The following CPEB2 variants were observed in gnomAD, a reference collection of about 807,000 sequenced individuals.
CPEB2 encodes the protein cytoplasmic polyadenylation element-binding protein 2.
A neutral mutation model predicts 93.6 loss-of-function variants in CPEB2; 56 were observed. The ratio of observed to expected loss-of-function variants is 0.60; its 90% CI spans 0.48 to 0.75. The LOEUF is 0.75. Among genes scored for constraint, CPEB2 ranks in the 30% least tolerant of loss-of-function variants. The pLI is 0.00. For synonymous variants in CPEB2, 764 were observed against 586.3 expected (o/e 1.30, Z -4.38); for missense variants, 1,579 against 1,395.1 (o/e 1.13, Z -2.10).
chr4:15,002,523 G>A lies in CPEB2; in HGVS notation c.-151G>A. 2 of 569,370 alleles carry A rather than the reference G, an allele frequency of 3.5e-6. No homozygotes were observed. The highest frequency in any genetic ancestry group is 2.8e-6 in the Non-Finnish European group (1 of 356,900). The allele number at this position is 569,370 out of a possible 1,614,324, so 35.3% of individuals were successfully genotyped here. ...GGCGATCGCCGCGAGGGGTGGTGGG[G>A]CCGAAGTCGGTGCCCCCTGGCTCAG... On this transcript the variant is annotated 5_prime_UTR_variant, in exon 1 of 12. Coordinates refer to ENST00000538197, the MANE Select transcript of CPEB2 (RefSeq NM_001177382.2).
chr4:15,037,931 T>TA (rs571086791), intron 5 of CPEB2, among the ~76,000 whole-genome samples: 12 of 152,358 alleles, frequency 7.9e-5, no homozygotes, highest in Admixed American at 2.0e-4. Context: ...GATTAAGAGT[T>TA]ATAATGGAAC....
Position 15,004,234 on chromosome 4 carries a change from C to T in CPEB2, c.1561C>T (p.Pro521Ser). ...CCCGCCGCCCGCGGCGCCGCAGCAG[C>T]CGCAGAGCCGGAGGTCGCCCGTCAG... is the stretch of plus-strand genomic sequence containing the variant. ...QPPPPAAPQQ[P>S]QSRRSPVSPQ... Residue 521 changes from proline (P) to serine (S), a missense_variant, in exon 1 of 12, where the codon CCG (proline) becomes TCG (serine). Physicochemically the swap from Pro to Ser is moderately conservative, Grantham distance 74. Coordinates refer to ENST00000538197, the MANE Select transcript of CPEB2 (RefSeq NM_001177382.2). 1 of 1,493,974 alleles carries T rather than the reference C, an allele frequency of 6.7e-7. No individual in the cohort carries two copies. The highest frequency in any genetic ancestry group is 8.9e-7 in the Non-Finnish European group (1 of 1,128,772). The allele number at this position is 1,493,974 out of a possible 1,614,324, so 92.5% of individuals were successfully genotyped here.
At chr4:15,059,646 AT>A (rs1261779928) in intron 10 of CPEB2, among the ~76,000 whole-genome samples, 3 of 130,052 alleles carry the variant, frequency 2.3e-5, no homozygotes, top group African/African-American at 8.6e-5. Context: ...CGATTCTGAT[AT>A]CTGAAAAAGA....
intron 4 of CPEB2, among the ~76,000 whole-genome samples, chr4:15,023,638 T>C (rs1473093070): frequency 6.6e-6 from 1 of 152,028 alleles, no homozygotes; most frequent in Non-Finnish European, 1.5e-5. Flanking sequence ...TTACATAATT[T>C]TGAAAGTCTA....
chr4:15,026,232 G>GT (rs146563561), intron 4 of CPEB2, among the ~76,000 whole-genome samples: 5,024 of 144,546 alleles, frequency 0.035, 150 homozygotes, highest in African/African-American at 0.081. Flanking sequence ...TTTTGTTTTT[G>GT]TTTTTGTTTT....
In CPEB2 at chr4:15,068,768, A is replaced by G. The variant is rs928460762; in HGVS notation, c.*2388A>G. 1.3e-5 allele frequency: 2 copies of G among 152,236 alleles called. No homozygotes were observed. Among genetic ancestry groups the G allele is most frequent in the Admixed American group, 1.3e-4 (2 of 15,214 alleles). The allele number at this position is 152,236 out of a possible 1,614,324, so 9.4% of individuals were successfully genotyped here. A position where few individuals can be genotyped will look rare whatever the true frequency, so the allele number is the denominator to read the frequency against. On this transcript the variant is annotated 3_prime_UTR_variant, in exon 12 of 12. Coordinates refer to ENST00000538197, the MANE Select transcript of CPEB2 (RefSeq NM_001177382.2). Reference sequence around the variant, plus strand: ...TCTTAAACAGAAATAAATATTTGGAATGAAGGGGAATGTACTAGAACACCC... The same window carrying G: ...TCTTAAACAGAAATAAATATTTGGAGTGAAGGGGAATGTACTAGAACACCC...
intron 1 of CPEB2, 44 bp downstream of exon 1, chr4:15,004,379 C>G (rs938344767): frequency 7.4e-7 from 1 of 1,360,284 alleles, no homozygotes; most frequent in African/African-American, 1.5e-5. Context: ...ACCGGGAGAC[C>G]ATGGGCGGGG....
rs555843511 is a variant in CPEB2 at position 15,069,177 on chromosome 4, T to G, written c.*2797T>G. On this transcript the variant is annotated 3_prime_UTR_variant, in exon 12 of 12. Coordinates refer to ENST00000538197, the MANE Select transcript of CPEB2 (RefSeq NM_001177382.2). ...TTTGTTAAGAAGGAAACATTTAGCATTTATATATTTGTGTATGGAAAACAC... is the reference window on the plus strand; with the variant it reads ...TTTGTTAAGAAGGAAACATTTAGCAGTTATATATTTGTGTATGGAAAACAC... 3 of 152,370 alleles carry G rather than the reference T, an allele frequency of 2.0e-5. No individual in the cohort carries two copies. Among genetic ancestry groups the G allele is most frequent in the African/African-American group, 7.2e-5 (3 of 41,526 alleles). The allele number at this position is 152,370 out of a possible 1,614,324, so 9.4% of individuals were successfully genotyped here.
intron 3 of CPEB2, among the ~76,000 whole-genome samples, chr4:15,011,863 T>A (rs1050678209): frequency 1.3e-5 from 2 of 152,164 alleles, no homozygotes; most frequent in Non-Finnish European, 2.9e-5. Flanking sequence ...TATCAATATA[T>A]CAACTCTCAA....
intron 4 of CPEB2, among the ~76,000 whole-genome samples, chr4:15,025,607 T>G (rs187547693): frequency 6.6e-6 from 1 of 151,914 alleles, no homozygotes; most frequent in East Asian, 2.0e-4. Context: ...CTTCTGCTTG[T>G]GAGCTGTAGG....
At chr4:15,006,252 A>C (rs1354420064) in intron 1 of CPEB2, among the ~76,000 whole-genome samples, 1 of 152,170 alleles carries the variant, frequency 6.6e-6, no homozygotes, top group Non-Finnish European at 1.5e-5. Context: ...GGTGCTGTAG[A>C]TCAGGAGTTT....
At chr4:15,035,593 A>G (rs897269789) in intron 5 of CPEB2, among the ~76,000 whole-genome samples, 1 of 152,212 alleles carries the variant, frequency 6.6e-6, no homozygotes, top group Non-Finnish European at 1.5e-5. Context: ...AAGAGAAAAC[A>G]TAACTGATAT....
chr4:15,019,204 C>A (rs901043494), intron 4 of CPEB2, among the ~76,000 whole-genome samples: 9 of 151,232 alleles, frequency 6.0e-5, no homozygotes, highest in Admixed American at 4.0e-4. Flanking sequence ...AGAAAAAAAT[C>A]GAGAAACTTT....
chr4:15,030,539 A>G (rs1725982512), intron 4 of CPEB2, among the ~76,000 whole-genome samples: 1 of 152,136 alleles, frequency 6.6e-6, no homozygotes, highest in Non-Finnish European at 1.5e-5. Flanking sequence ...AGTTCTTACT[A>G]TCAATTGGCA....
intron 8 of CPEB2, 31 bp from the exon 9 acceptor site, chr4:15,058,390 C>G (rs746161879): frequency 3.1e-6 from 4 of 1,287,460 alleles, no homozygotes; most frequent in South Asian, 2.4e-5. Flanking sequence ...CTTGGCTTGA[C>G]ATATTGCCTC....
intron 6 of CPEB2, among the ~76,000 whole-genome samples, chr4:15,048,679 C>A (rs969682238): frequency 1.3e-5 from 2 of 151,820 alleles, no homozygotes; most frequent in Middle Eastern, 3.4e-3. Context: ...GTCTTGTTTT[C>A]TAATATGCTT....
At chr4:15,030,495 G>A (rs1725975975) in intron 4 of CPEB2, among the ~76,000 whole-genome samples, 1 of 152,086 alleles carries the variant, frequency 6.6e-6, no homozygotes, top group South Asian at 2.1e-4. Flanking sequence ...ACATAGAAAA[G>A]CTCCTGGCTC....
At chr4:15,055,204 TG>T (rs369865230) in intron 8 of CPEB2, among the ~76,000 whole-genome samples, 55 of 152,238 alleles carry the variant, frequency 3.6e-4, no homozygotes, top group African/African-American at 1.0e-3. Context: ...AGTAATGCAA[TG>T]TTTTTTTAAT....
intron 8 of CPEB2, 101 bp downstream of exon 8, chr4:15,054,318 C>G (rs1728518528): frequency 1.2e-6 from 1 of 801,610 alleles, no homozygotes; most frequent in Non-Finnish European, 2.1e-6. Flanking sequence ...AAGAGACTTG[C>G]TATGATTTGA....
Sources: allele counts gnomAD v4.1 joint callset (sites outside exome capture counted in the v4.1 genomes callset), GRCh38; gene constraint gnomAD v4.1.1; transcripts MANE v1.5; gene names NCBI Gene and HGNC (gene_info 2026-07-23, HGNC 2026-07-21).